DENND5B: variants seen among roughly 807,000 people sequenced by gnomAD.
The protein encoded by DENND5B is DENN domain-containing protein 5B.
Under a neutral mutation model 140.6 loss-of-function variants are expected in DENND5B, and 34 were observed. The ratio of observed to expected loss-of-function variants is 0.24; its 90% CI spans 0.18 to 0.32. DENND5B has a LOEUF of 0.32. Among genes scored for constraint, DENND5B ranks in the 10% least tolerant of loss-of-function variants. The pLI is 1.00. For missense variants in DENND5B, 1,142 were observed against 1,560.2 expected (o/e 0.73, Z 4.52); for synonymous variants, 551 against 562.1 (o/e 0.98, Z 0.28).
intron 1 of DENND5B, among the ~76,000 whole-genome samples, chr12:31,522,829 C>T (rs1304619696): frequency 1.3e-5 from 2 of 152,144 alleles, no homozygotes; most frequent in Admixed American, 6.5e-5. Flanking sequence ...CATCTAAATA[C>T]CTTTCCTTTT....
chr12:31,493,849 A>G (rs1946627497), intron 2 of DENND5B, among the ~76,000 whole-genome samples: 1 of 152,122 alleles, frequency 6.6e-6, no homozygotes, highest in African/African-American at 2.4e-5. Context: ...ACAAAAACCA[A>G]ACAAAACAAC....
intron 11 of DENND5B, among the ~76,000 whole-genome samples, chr12:31,422,263 CAAAA>C (rs745781782): frequency 6.6e-5 from 3 of 45,658 alleles, no homozygotes; most frequent in Non-Finnish European, 3.8e-5. Context: ...ACTAAAAATC[CAAAA>C]AAAAAAAAAA....
At position 31,484,175 on chromosome 12, in the gene DENND5B, G is replaced by T. The variant is rs898129537; in HGVS notation, c.238-3920C>A. On this transcript the variant is annotated intron_variant, in intron 2 of 20. Coordinates refer to ENST00000389082, the MANE Select transcript of DENND5B (RefSeq NM_144973.4). Reference sequence around the variant, plus strand: ...GGCCTCGAGCAATTTTCTTATTCAAGTTCAAAATGGGTCGTAAAGCAGTGG... The same window carrying T: ...GGCCTCGAGCAATTTTCTTATTCAATTTCAAAATGGGTCGTAAAGCAGTGG... 5.5e-4 allele frequency among the ~76,000 whole-genome samples: 84 copies of T among 152,078 alleles called. 1 individual carries two copies. Among genetic ancestry groups the T allele is most frequent in the African/African-American group, 2.0e-3 (81 of 41,416 alleles).
chr12:31,396,053 C>CCTGTTTTTTTTTTTTTTTT (rs1399702795), intron 17 of DENND5B, among the ~76,000 whole-genome samples: 1 of 102,844 alleles, frequency 9.7e-6, no homozygotes, highest in Non-Finnish European at 1.9e-5. Context: ...GTTGGCATTC[C>CCTGTTTTTTTTTTTTTTTT]TTGTTTTTTT....
At chr12:31,498,946 C>T (rs1181608059) in intron 1 of DENND5B, among the ~76,000 whole-genome samples, 2 of 133,120 alleles carry the variant, frequency 1.5e-5, no homozygotes, top group Non-Finnish European at 3.0e-5. Context: ...GCACTCTAGC[C>T]TGGGTGACAG....
intron 1 of DENND5B, among the ~76,000 whole-genome samples, chr12:31,520,704 C>T (rs1947843308): frequency 6.6e-6 from 1 of 152,028 alleles, no homozygotes; most frequent in Non-Finnish European, 1.5e-5. Flanking sequence ...CCATGCCCGG[C>T]TAATTTTTGG....
chr12:31,431,007 C>T (rs1379925850), intron 8 of DENND5B, among the ~76,000 whole-genome samples: 3 of 152,178 alleles, frequency 2.0e-5, no homozygotes, highest in African/African-American at 7.2e-5. Flanking sequence ...ATAAAAATAA[C>T]ATCTGGAGGA....
chr12:31,485,736 C>CCTCTCTCT lies in DENND5B; in HGVS notation c.238-5489_238-5482dup, dbSNP rs55748263. 2.8e-3 allele frequency among the ~76,000 whole-genome samples: 413 copies of CCTCTCTCT among 149,778 alleles called. 3 individuals carry two copies. Among genetic ancestry groups the CCTCTCTCT allele is most frequent in the East Asian group, 8.0e-3 (40 of 4,986 alleles). Reference sequence around the variant, plus strand: ...AAAAAAGGCAATACAGCTTCCATCTCCTCTCTCTCTCTCTCTCTCTCTCTC... The same window carrying CCTCTCTCT: ...AAAAAAGGCAATACAGCTTCCATCTCCTCTCTCTCTCTCTCTCTCTCTCTCTCTCTCTC... On this transcript the variant is annotated intron_variant, in intron 2 of 20. Transcript: ENST00000389082.
chr12:31,487,034 T>C (rs887456102), intron 2 of DENND5B, among the ~76,000 whole-genome samples: 6 of 152,160 alleles, frequency 3.9e-5, no homozygotes, highest in African/African-American at 1.4e-4. Flanking sequence ...AATATACCAT[T>C]TGGGGCCATA....
intron 16 of DENND5B, among the ~76,000 whole-genome samples, chr12:31,398,616 C>G (rs1941615346): frequency 6.6e-6 from 1 of 151,988 alleles, no homozygotes; most frequent in African/African-American, 2.4e-5. Flanking sequence ...TATTTTCAAA[C>G]TAGAAATTAA....
At chr12:31,425,304 G>A (rs943659149) in intron 9 of DENND5B, among the ~76,000 whole-genome samples, 5 of 152,154 alleles carry the variant, frequency 3.3e-5, no homozygotes. Context: ...GTGATAGAGC[G>A]AGACTCTGTC....
chr12:31,428,338 ATC>A (rs1245602513), intron 8 of DENND5B, among the ~76,000 whole-genome samples: 1 of 138,884 alleles, frequency 7.2e-6, no homozygotes, highest in Non-Finnish European at 1.6e-5. Context: ...GCAAGACTCC[ATC>A]TCAAAAAAAA....
At chr12:31,549,854 T>C (rs1948982038) in intron 1 of DENND5B, among the ~76,000 whole-genome samples, 1 of 152,078 alleles carries the variant, frequency 6.6e-6, no homozygotes, top group African/African-American at 2.4e-5. Context: ...CAGGTCCCAG[T>C]CTATCATTGA....
intron 1 of DENND5B, among the ~76,000 whole-genome samples, chr12:31,518,177 T>C (rs997360382): frequency 3.3e-5 from 5 of 152,262 alleles, no homozygotes; most frequent in Admixed American, 3.3e-4. Flanking sequence ...CCAGACTGGA[T>C]GTCCCACTAT....
At chr12:31,522,502 T>G (rs563837065) in intron 1 of DENND5B, among the ~76,000 whole-genome samples, 6 of 152,312 alleles carry the variant, frequency 3.9e-5, no homozygotes, top group Admixed American at 2.0e-4. Context: ...TGAAGAGCAG[T>G]GGCACGATCT....
chr12:31,568,580 CTCT>C (rs1281705227), intron 1 of DENND5B, among the ~76,000 whole-genome samples: 1 of 152,190 alleles, frequency 6.6e-6, no homozygotes, highest in African/African-American at 2.4e-5. Flanking sequence ...AAAGTTAAAT[CTCT>C]TCTAAGGAAG....
intron 6 of DENND5B, among the ~76,000 whole-genome samples, chr12:31,445,293 G>A (rs894581685): frequency 1.3e-5 from 2 of 152,162 alleles, no homozygotes; most frequent in Admixed American, 6.5e-5. Flanking sequence ...AATCAGACCT[G>A]GATTCAAACC....
intron 5 of DENND5B, among the ~76,000 whole-genome samples, chr12:31,448,041 G>A (rs892573318): frequency 2.7e-5 from 4 of 150,576 alleles, no homozygotes; most frequent in East Asian, 3.9e-4. Flanking sequence ...CATCAGTAAC[G>A]AAAGATGGCA....
At chr12:31,576,430 T>G (rs1025107552) in intron 1 of DENND5B, among the ~76,000 whole-genome samples, 2 of 151,318 alleles carry the variant, frequency 1.3e-5, no homozygotes, top group African/African-American at 4.9e-5. Context: ...CACTCCAGCC[T>G]GGGAGACAGA....
Sources: gnomAD v4.1 joint callset for allele counts (sites outside exome capture counted in the v4.1 genomes callset) on GRCh38, gnomAD v4.1.1 for gene constraint, MANE v1.5 for transcripts, NCBI Gene and HGNC (gene_info 2026-07-23, HGNC 2026-07-21) for gene names.